Variants in ENO4 observed in about 807,000 individuals in gnomAD.
ENO4 encodes the protein 2-phospho-D-glycerate hydro-lyase.
Under a neutral mutation model 63.2 loss-of-function variants are expected in ENO4, and 53 were observed. The observed-to-expected ratio is 0.84, with a 90% CI of 0.67 to 1.05. The LOEUF is 1.05. Among genes scored for constraint, ENO4 ranks in the 50% least tolerant of loss-of-function variants. ENO4 has a pLI of 0.00. For synonymous variants in ENO4, 266 were observed against 283.8 expected (o/e 0.94, Z 0.63); for missense variants, 719 against 772.0 (o/e 0.93, Z 0.81).
intron 10 of ENO4, among the ~76,000 whole-genome samples, chr10:116,891,042 C>T (rs778523387): frequency 1.3e-5 from 2 of 152,142 alleles, no homozygotes; most frequent in South Asian, 4.1e-4. Context: ...CCCTAATAGA[C>T]GTGGTTCTGA....
At chr10:116,901,525 G>A (rs1487042053) in intron 10 of ENO4, 1 of 985,160 alleles carries the variant, frequency 1.0e-6, no homozygotes, top group African/African-American at 1.7e-5. Context: ...AGAAGAACCT[G>A]ATTACCAAAC....
intron 10 of ENO4, among the ~76,000 whole-genome samples, chr10:116,889,395 T>C (rs993007285): frequency 7.9e-5 from 12 of 152,236 alleles, no homozygotes; most frequent in Non-Finnish European, 1.5e-4. Flanking sequence ...ACTTATAGGC[T>C]ACAATTTGAG....
At chr10:116,881,423 C>A (rs747029021) in intron 13 of ENO4, 92 bp from the exon 14 acceptor site, 3 of 962,646 alleles carry the variant, frequency 3.1e-6, no homozygotes, top group Non-Finnish European at 4.5e-6. Flanking sequence ...CACCTTTGGA[C>A]TAGTACTGAA....
chr10:116,871,682 T>C (rs1373602494), intron 9 of ENO4, among the ~76,000 whole-genome samples: 2 of 152,184 alleles, frequency 1.3e-5, no homozygotes, highest in African/African-American at 2.4e-5. Flanking sequence ...CTTCCAGACA[T>C]GTAGTTCTTA....
intron 1 of ENO4, 158 bp downstream of exon 1, chr10:116,849,889 A>G (rs1846018812): frequency 3.4e-6 from 3 of 869,828 alleles, no homozygotes; most frequent in Non-Finnish European, 5.6e-6. Context: ...GGAGGGAAGG[A>G]GCGGGAAGGA....
chr10:116,871,219 C>G lies in ENO4; in HGVS notation c.1142C>G (p.Ala381Gly). ...QPLLLIQEIC[A>G]NLGLELGTNL... ...CTGCTTCTAATACAGGAAATCTGTGCCAACCTGGGGCTAGAACTGGGAACA... is the reference window on the plus strand; with the variant it reads ...CTGCTTCTAATACAGGAAATCTGTGGCAACCTGGGGCTAGAACTGGGAACA... Residue 381 changes from alanine (A) to glycine (G), a missense_variant, in exon 9 of 14, where the codon GCC becomes GGC. By Grantham distance (60) the Ala-to-Gly change is moderately conservative. Coordinates refer to ENST00000341276, the MANE Select transcript of ENO4 (RefSeq NM_001242699.2). 6.4e-7 allele frequency: 1 copy of G among 1,550,426 alleles called. No individual in the cohort carries two copies. Among genetic ancestry groups the G allele is most frequent in the Non-Finnish European group, 8.7e-7 (1 of 1,146,970 alleles).
chr10:116,893,787 T>C (rs1019306608), intron 10 of ENO4, among the ~76,000 whole-genome samples: 1 of 152,194 alleles, frequency 6.6e-6, no homozygotes, highest in Non-Finnish European at 1.5e-5. Context: ...CCAGCTGAGA[T>C]AATTAGTTTG....
Position 116,868,644 on chromosome 10 carries a change from C to A in ENO4, c.991-6C>A. 1 of 1,550,400 alleles carries A rather than the reference C, an allele frequency of 6.4e-7. No homozygotes were observed. Among genetic ancestry groups the A allele is most frequent in the Non-Finnish European group, 8.7e-7 (1 of 1,146,914 alleles). ...AGGTGATACATTTTTATCTTCTGCC[C>A]CACAGCCCTCTCCTCCAAAAGCAGA... On this transcript the variant is annotated splice_polypyrimidine_tract_variant and splice_region_variant and intron_variant, in intron 7 of 13. Coordinates refer to ENST00000341276, the MANE Select transcript of ENO4 (RefSeq NM_001242699.2).
chr10:116,851,103 C>T (rs533964898), intron 1 of ENO4, among the ~76,000 whole-genome samples: 32 of 152,322 alleles, frequency 2.1e-4, no homozygotes, highest in African/African-American at 7.2e-4. Flanking sequence ...CAAGCTAGGA[C>T]TAAAAACATG....
At chr10:116,878,270 C>CA (rs985404325) in intron 11 of ENO4, among the ~76,000 whole-genome samples, 5 of 152,174 alleles carry the variant, frequency 3.3e-5, no homozygotes, top group Admixed American at 6.5e-5. Context: ...GAGCAGAACT[C>CA]AGAGCCAGAC....
chr10:116,900,702 T>A, intron 10 of ENO4: 2 of 984,830 alleles, frequency 2.0e-6, no homozygotes, highest in Non-Finnish European at 2.4e-6. Context: ...ATAGGAAAGA[T>A]GGAGAATGAA....
chr10:116,911,823 G>A (rs754633885), downstream of ENO4: 56 of 1,612,140 alleles, frequency 3.5e-5, no homozygotes, highest in South Asian at 4.5e-4. Context: ...CTGCACTTTC[G>A]CAGCCTTTCG....
chr10:116,877,916 A>C (rs1160253568), intron 11 of ENO4, among the ~76,000 whole-genome samples: 1 of 152,036 alleles, frequency 6.6e-6, no homozygotes, highest in African/African-American at 2.4e-5. Flanking sequence ...CTTGCCCACA[A>C]CTCTTGACCA....
In ENO4 at chr10:116,881,429, C is replaced by T. The variant is rs1043427356; in HGVS notation, c.1724-86C>T. On this transcript the variant is annotated intron_variant, in intron 13 of 13. Coordinates refer to ENST00000341276, the MANE Select transcript of ENO4 (RefSeq NM_001242699.2). ...GTGATGTGACACCTTTGGACTAGTA[C>T]TGAAGATGATCTCCTTCAACTTATG... 2.8e-6 allele frequency: 3 copies of T among 1,057,626 alleles called. No homozygotes were observed. The South Asian group carries it at 5.4e-5, about 19-fold the overall frequency. 65.5% of individuals were successfully genotyped at this position (1,057,626 alleles called of 1,614,324 possible).
chr10:116,901,104 C>G (rs919354815), intron 10 of ENO4: 24 of 985,328 alleles, frequency 2.4e-5, no homozygotes, highest in Non-Finnish European at 2.4e-5. Flanking sequence ...CTTTAAGTGA[C>G]AAACTAGCTG....
At chr10:116,854,429 G>A (rs1042637384) in intron 1 of ENO4, among the ~76,000 whole-genome samples, 1 of 151,870 alleles carries the variant, frequency 6.6e-6, no homozygotes, top group Non-Finnish European at 1.5e-5. Context: ...CCGTTTTGGT[G>A]CACGCCTGTA....
At position 116,881,756 on chromosome 10, in the gene ENO4, T is replaced by C. The variant is rs1847022753; in HGVS notation, c.*87T>C. ...TACGGCGCCGTGTCTCCACATGGAG[T>C]TTCCTCTTCAACTTCACCAACTCTT... On this transcript the variant is annotated 3_prime_UTR_variant, in exon 14 of 14. Coordinates refer to ENST00000341276, the MANE Select transcript of ENO4 (RefSeq NM_001242699.2). 1 of 1,046,806 alleles carries C rather than the reference T, an allele frequency of 9.6e-7. No homozygotes were observed. Among genetic ancestry groups the C allele is most frequent in the Non-Finnish European group, 1.3e-6 (1 of 789,572 alleles). 64.8% of individuals were successfully genotyped at this position (1,046,806 alleles called of 1,614,324 possible). A position where few individuals can be genotyped will look rare whatever the true frequency, so the allele number is the denominator to read the frequency against.
intron 2 of ENO4, among the ~76,000 whole-genome samples, chr10:116,856,158 A>C (rs1300752311): frequency 2.7e-4 from 41 of 152,218 alleles, no homozygotes; most frequent in Non-Finnish European, 4.4e-5. Flanking sequence ...GTTTTAATTC[A>C]CTTTGCTACA....
At position 116,861,889 on chromosome 10, in the gene ENO4, T is replaced by C. The variant is rs1417061821; in HGVS notation, c.936+699T>C. 3.3e-5 allele frequency among the ~76,000 whole-genome samples: 5 copies of C among 152,180 alleles called. 1 individual carries two copies. The highest frequency in any genetic ancestry group is 2.1e-4 in the South Asian group (1 of 4,826). On this transcript the variant is annotated intron_variant, in intron 6 of 13. Transcript: ENST00000341276. Reference sequence around the variant, plus strand: ...AAAGAATTCTTTCTTAAAATAGTTATTGCCTTACAGTTTATCAGTTGCAGA... The same window carrying C: ...AAAGAATTCTTTCTTAAAATAGTTACTGCCTTACAGTTTATCAGTTGCAGA...
Sources: gnomAD v4.1 joint callset for allele counts (sites outside exome capture counted in the v4.1 genomes callset) on GRCh38, gnomAD v4.1.1 for gene constraint, MANE v1.5 for transcripts, NCBI Gene and HGNC (gene_info 2026-07-23, HGNC 2026-07-21) for gene names.